MDH2: variants seen among roughly 807,000 people sequenced by gnomAD.
MDH2 encodes the protein malate dehydrogenase, mitochondrial.
MDH2 carries 25 observed loss-of-function variants against 33.6 expected under a neutral mutation model. The ratio of observed to expected loss-of-function variants is 0.74; its 90% CI spans 0.54 to 1.04. MDH2 has a LOEUF of 1.04. MDH2 is among the 50% of genes least tolerant of loss of function. MDH2 has a pLI of 0.00. For synonymous variants in MDH2, 193 were observed against 188.7 expected, an observed-to-expected ratio of 1.02 and a Z score of -0.19; for missense variants, 432 against 445.0, an observed-to-expected ratio of 0.97 and a Z score of 0.26.
intron 5 of MDH2, among the ~76,000 whole-genome samples, chr7:76,062,397 C>T (rs1428520965): frequency 5.3e-5 from 8 of 152,236 alleles, no homozygotes; most frequent in Admixed American, 3.3e-4. Context: ...GTGCAGTGCC[C>T]GCACGTGTGT....
chr7:76,048,780 C>G (rs948440844), intron 1 of MDH2: 2 of 1,226,554 alleles, frequency 1.6e-6, no homozygotes, highest in Non-Finnish European at 2.0e-6. Context: ...TTTGGAGGAT[C>G]TCTCCTGCTG....
At chr7:76,051,905 ACCT>A (rs1554585505) in intron 1 of MDH2, among the ~76,000 whole-genome samples, 1 of 152,172 alleles carries the variant, frequency 6.6e-6, no homozygotes, top group Non-Finnish European at 1.5e-5. Context: ...TCATGATCTA[ACCT>A]CCGGGCCACC....
At chr7:76,064,271 G>C (rs1436307384) in intron 6 of MDH2, 68 bp from the exon 7 acceptor site, 2 of 1,162,792 alleles carry the variant, frequency 1.7e-6, no homozygotes, top group Admixed American at 2.2e-5. Context: ...GAATAGTGGG[G>C]GTGGGAGGCA....
At chr7:76,048,474 G>A in intron 1 of MDH2, 4 of 1,228,460 alleles carry the variant, frequency 3.3e-6, no homozygotes, top group Non-Finnish European at 4.3e-6. Context: ...GTTCCCCCAG[G>A]TCTCCCAGAT....
intron 5 of MDH2, 137 bp downstream of exon 5, chr7:76,060,635 G>A (rs1343854020): frequency 2.2e-5 from 29 of 1,300,750 alleles, no homozygotes; most frequent in South Asian, 3.0e-5. Context: ...TTTAGAGCTC[G>A]CCCTCTTGAT....
At chr7:76,048,734 G>T (rs2116629764) in intron 1 of MDH2, 1 of 1,233,706 alleles carries the variant, frequency 8.1e-7, no homozygotes, top group African/African-American at 1.6e-5. Flanking sequence ...TTAGAATTCA[G>T]CGCTTCTGAC....
At chr7:76,064,070 G>A (rs1446851677) in intron 6 of MDH2, among the ~76,000 whole-genome samples, 2 of 151,856 alleles carry the variant, frequency 1.3e-5, no homozygotes, top group Non-Finnish European at 2.9e-5. Context: ...CTTCCCAACA[G>A]AGTTGATTTC....
At chr7:76,062,040 A>C (rs1554587102) in intron 5 of MDH2, among the ~76,000 whole-genome samples, 1 of 152,150 alleles carries the variant, frequency 6.6e-6, no homozygotes, top group African/African-American at 2.4e-5. Flanking sequence ...GGGACAGGGT[A>C]CCTTGGCCCT....
intron 3 of MDH2, among the ~76,000 whole-genome samples, 182 bp from the exon 4 acceptor site, chr7:76,057,787 C>T (rs1488501214): frequency 1.3e-5 from 2 of 152,168 alleles, no homozygotes; most frequent in African/African-American, 4.8e-5. Context: ...TCCCCTGCTC[C>T]ACCCATGCAG....
intron 8 of MDH2, 30 bp downstream of exon 8, chr7:76,064,983 T>C (rs782410584): frequency 1.2e-6 from 2 of 1,612,642 alleles, no homozygotes; most frequent in East Asian, 2.2e-5. Context: ...TCCTTCTGAC[T>C]GTGGAATAAG....
intron 5 of MDH2, 79 bp downstream of exon 5, chr7:76,060,577 A>T (rs1410210637): frequency 1.6e-5 from 25 of 1,568,728 alleles, no homozygotes; most frequent in Non-Finnish European, 2.2e-5. Flanking sequence ...GGCGTGGAAG[A>T]CATGAAGGCA....
chr7:76,065,552 A>G lies in MDH2; in HGVS notation c.885+599A>G, dbSNP rs144896358. 1.4e-4 allele frequency among the ~76,000 whole-genome samples: 22 copies of G among 152,308 alleles called. No individual in the cohort carries two copies. The East Asian group carries it at 3.9e-3, about 27-fold the overall frequency. ...TCCGATACAGAAAGATCCTTCAGCT[A>G]TGGCCCCAGGCCTTGGTGAGAGACA... On this transcript the variant is annotated intron_variant, in intron 8 of 8. Transcript: ENST00000315758.
chr7:76,063,814 A>G (rs1798018187), intron 6 of MDH2, among the ~76,000 whole-genome samples: 1 of 152,154 alleles, frequency 6.6e-6, no homozygotes, highest in Admixed American at 6.5e-5. Context: ...CGCAAGGAGA[A>G]CCACTGTTGG....
intron 2 of MDH2, among the ~76,000 whole-genome samples, chr7:76,055,451 C>T (rs1333846757): frequency 6.6e-6 from 1 of 151,920 alleles, no homozygotes; most frequent in Non-Finnish European, 1.5e-5. Context: ...AAATGATTCA[C>T]TGGACTTAGT....
At position 76,063,508 on chromosome 7, in the gene MDH2, T is replaced by G; in HGVS notation, c.556-7T>G. On this transcript the variant is annotated splice_region_variant and splice_polypyrimidine_tract_variant and intron_variant, in intron 5 of 8. Coordinates refer to ENST00000315758, the MANE Select transcript of MDH2 (RefSeq NM_005918.4). ...TAACTCATCCAGCTTCATACTTTGG[T>G]CACCAGGGTTTGGATCCAGCTCGAG... is the stretch of plus-strand genomic sequence containing the variant. The G allele has an allele frequency of 6.2e-7, 1 of 1,614,174 alleles. No homozygotes were observed.
At chr7:76,055,329 C>A (rs1226404047) in intron 2 of MDH2, among the ~76,000 whole-genome samples, 1 of 152,144 alleles carries the variant, frequency 6.6e-6, no homozygotes, top group Non-Finnish European at 1.5e-5. Context: ...CTGCGGGCCA[C>A]CTTCCCTCCA....
intron 5 of MDH2, among the ~76,000 whole-genome samples, chr7:76,062,484 G>A (rs986529715): frequency 2.0e-5 from 3 of 152,210 alleles, no homozygotes; most frequent in Admixed American, 6.5e-5. Context: ...TTTCCCGTGC[G>A]TGAGGCTGAT....
At chr7:76,057,858 A>T (rs1797828553) in intron 3 of MDH2, 111 bp from the exon 4 acceptor site, 4 of 945,360 alleles carry the variant, frequency 4.2e-6, no homozygotes, top group African/African-American at 1.6e-5. Context: ...CTGACTTGAA[A>T]CGGGGACCTT....
intron 7 of MDH2, 138 bp from the exon 8 acceptor site, chr7:76,064,664 T>A: frequency 9.6e-7 from 1 of 1,043,452 alleles, no homozygotes. Flanking sequence ...CATGTATAAG[T>A]AACAAGAAAT....
Sources: allele counts gnomAD v4.1 joint callset (sites outside exome capture counted in the v4.1 genomes callset), GRCh38; gene constraint gnomAD v4.1.1; transcripts MANE v1.5; gene names NCBI Gene and HGNC (gene_info 2026-07-23, HGNC 2026-07-21).